Variants in EIF2AK1 observed in about 807,000 individuals in gnomAD.
EIF2AK1 encodes eukaryotic translation initiation factor 2 alpha kinase 1.
A neutral mutation model predicts 77.9 loss-of-function variants in EIF2AK1; 54 were observed. That is an observed-to-expected ratio of 0.69 (90% CI 0.56 to 0.87). The LOEUF is 0.87. Ranked by LOEUF, EIF2AK1 falls within the 40% of genes least tolerant of loss-of-function variation. The pLI, the probability that EIF2AK1 is intolerant of heterozygous loss-of-function variation, is 0.00. For synonymous variants in EIF2AK1, 314 were observed against 290.5 expected (o/e 1.08, Z -0.82); for missense variants, 810 against 768.6 (o/e 1.05, Z -0.64).
intron 14 of EIF2AK1, chr7:6,026,426 G>GC (rs34019419): frequency 0.65 from 368,656 of 567,254 alleles, 120,805 homozygotes; most frequent in East Asian, 0.85. Flanking sequence ...GCCCCAGGAA[G>GC]TTTCCTACCG....
At position 6,023,749 on chromosome 7, in the gene EIF2AK1, A is replaced by C. The variant is rs548198703; in HGVS notation, c.*924T>G. ...TTAAGAATGGTGCTCTTTCATGCCT[A>C]TTATCAGTAAGGGGACTTGTATTAG... On this transcript the variant is annotated 3_prime_UTR_variant, in exon 15 of 15. Coordinates refer to ENST00000199389, the MANE Select transcript of EIF2AK1 (RefSeq NM_014413.4). The C allele has an allele frequency of 1.9e-6, 3 of 1,612,622 alleles. No homozygotes were observed. Among genetic ancestry groups the C allele is most frequent in the Admixed American group, 1.7e-5 (1 of 59,826 alleles).
At chr7:6,047,663 ACT>A (rs1198595240) in intron 4 of EIF2AK1, 2 of 130,522 alleles carry the variant, frequency 1.5e-5, no homozygotes, top group African/African-American at 3.1e-5. Context: ...ACAGAGCAAG[ACT>A]CTGTCTCAAA....
At chr7:6,026,583 C>T (rs568369156) in intron 14 of EIF2AK1, 145 bp downstream of exon 14, 1,010 of 737,210 alleles carry the variant, frequency 1.4e-3, no homozygotes, top group Non-Finnish European at 1.8e-3. Flanking sequence ...AGGAAGTGGA[C>T]GAGAACAAAC....
intron 10 of EIF2AK1, among the ~76,000 whole-genome samples, chr7:6,038,105 G>T (rs1296909929): frequency 6.6e-6 from 1 of 152,042 alleles, no homozygotes; most frequent in Admixed American, 6.6e-5. Flanking sequence ...AGGATGGAGA[G>T]GTTTTACAGG....
rs765118281 is a variant in EIF2AK1 at position 6,049,994 on chromosome 7, C to T, written c.329G>A (p.Ser110Asn). The T allele has an allele frequency of 6.2e-7, 1 of 1,613,002 alleles. No homozygotes were observed. The highest frequency in any genetic ancestry group is 1.1e-5 in the South Asian group (1 of 90,852). ...TAGTCTCAATGAGCTAAACTCGTCA[C>T]TACAAGTGAAAGAAGACAGCAGCCC... ...KMGLLSSFTC[S>N]DEFSSLRLHH... is the part of the protein sequence containing the mutation. The change falls in exon 3 of 15, where the codon AGT (serine) becomes AAT (asparagine). Residue 110 changes from serine (S) to asparagine (N), a missense_variant. Physicochemically the swap from Ser to Asn is conservative, Grantham distance 46. Around this residue, in one of 3 missense-constraint regions of EIF2AK1, gnomAD observed 246 missense variants for 199.0 expected, o/e 1.24. Coordinates refer to ENST00000199389, the MANE Select transcript of EIF2AK1 (RefSeq NM_014413.4).
intron 4 of EIF2AK1, among the ~76,000 whole-genome samples, chr7:6,048,276 T>TTACGTCTCTATGGATTC (rs1238021227): frequency 1.3e-4 from 20 of 152,178 alleles, no homozygotes; most frequent in Non-Finnish European, 2.5e-4. Flanking sequence ...AAACCACTAT[T>TTACGTCTCTATGGATTC]TACGTCTCTA....
At chr7:6,028,251 T>C (rs1280114483) in intron 13 of EIF2AK1, among the ~76,000 whole-genome samples, 2 of 69,026 alleles carry the variant, frequency 2.9e-5, no homozygotes, top group Non-Finnish European at 5.4e-5. Context: ...CATTGTACTG[T>C]TTGTTTTTTT....
rs1220045815 is a variant in EIF2AK1 at position 6,027,961 on chromosome 7, G to A, written c.1530+654C>T. 1 of 454,102 alleles carries A rather than the reference G, an allele frequency of 2.2e-6. No homozygotes were observed. Among genetic ancestry groups the A allele is most frequent in the Non-Finnish European group, 4.4e-6 (1 of 226,072 alleles). The allele number at this position is 454,102 out of a possible 1,614,324, so 28.1% of individuals were successfully genotyped here. A position where few individuals can be genotyped will look rare whatever the true frequency, so the allele number is the denominator to read the frequency against. ...TCTTGAAGTCACAGTTACATGGGAG[G>A]CTGAGGTGGGAGGATCACTTGAGCC... is the stretch of plus-strand genomic sequence containing the variant. On this transcript the variant is annotated intron_variant, in intron 13 of 14. Coordinates refer to ENST00000199389, the MANE Select transcript of EIF2AK1 (RefSeq NM_014413.4). This position sits in a 1 kb window ranked among gnomAD's most constrained non-coding sequence, Gnocchi z 4.5.
At chr7:6,046,013 C>A in intron 6 of EIF2AK1, 58 bp downstream of exon 6, 1 of 1,200,244 alleles carries the variant, frequency 8.3e-7, no homozygotes, top group Non-Finnish European at 1.2e-6. Context: ...ATGTATAACT[C>A]TTTCAAAAAG....
Position 6,033,079 on chromosome 7 carries a change from C to T in EIF2AK1, c.1333-4047G>A. 1.6e-6 allele frequency: 1 copy of T among 612,482 alleles called. No homozygotes were observed. The highest frequency in any genetic ancestry group is 2.7e-6 in the Non-Finnish European group (1 of 363,930). The allele number at this position is 612,482 out of a possible 1,614,324, so 37.9% of individuals were successfully genotyped here. On this transcript the variant is annotated intron_variant, in intron 11 of 14. Coordinates refer to ENST00000199389, the MANE Select transcript of EIF2AK1 (RefSeq NM_014413.4). This position sits in a 1 kb window ranked among gnomAD's most constrained non-coding sequence, Gnocchi z 4.4. ...TACTTCCTGGGTTCAAGAGCTTCTC[C>T]CACCTCAGCCTCCCGAGTAGCTGGG...
At chr7:6,041,501 T>G (rs1448797168) in intron 8 of EIF2AK1, among the ~76,000 whole-genome samples, 1 of 150,602 alleles carries the variant, frequency 6.6e-6, no homozygotes, top group African/African-American at 2.4e-5. Context: ...ATCATGCCAC[T>G]GTACTCCAGC....
chr7:6,052,651 T>C (rs1309961078), intron 2 of EIF2AK1, among the ~76,000 whole-genome samples: 6 of 150,438 alleles, frequency 4.0e-5, no homozygotes, highest in Non-Finnish European at 7.4e-5. Context: ...TTTTTTTTTT[T>C]CTCTAGAGGC....
chr7:6,054,655 C>A lies in EIF2AK1; in HGVS notation c.168G>T (p.Gln56His). Reference protein sequence around the residue: ...EIQVLKEPLQQPTFPFAVANQ... With the variant: ...EIQVLKEPLQHPTFPFAVANQ... Reference sequence around the variant, plus strand: ...TTGCAACTGCAAAAGGGAAGGTTGGCTGTTGTAGGGGTTCTTTTAACACCT... The same window carrying A: ...TTGCAACTGCAAAAGGGAAGGTTGGATGTTGTAGGGGTTCTTTTAACACCT... The change falls in exon 2 of 15, where the codon CAG (glutamine) becomes CAT (histidine). Residue 56 changes from glutamine (Q) to histidine (H), a missense_variant. By Grantham distance (24) the Gln-to-His change is conservative (BLOSUM62 0). Coordinates refer to ENST00000199389, the MANE Select transcript of EIF2AK1 (RefSeq NM_014413.4). The A allele has an allele frequency of 6.2e-7, 1 of 1,614,100 alleles. No individual in the cohort carries two copies. Among genetic ancestry groups the A allele is most frequent in the Non-Finnish European group, 8.5e-7 (1 of 1,180,012 alleles).
In EIF2AK1 at chr7:6,035,308, C is replaced by A; in HGVS notation, c.1332+2116G>T. On this transcript the variant is annotated intron_variant, in intron 11 of 14. Coordinates refer to ENST00000199389, the MANE Select transcript of EIF2AK1 (RefSeq NM_014413.4). This position sits in a 1 kb window ranked among gnomAD's most constrained non-coding sequence, Gnocchi z 5.5. Reference sequence around the variant, plus strand: ...TAGCCTGAGAAACTACCCAGCGATACAGATTTTGAAACACGTCCTTAAGGT... The same window carrying A: ...TAGCCTGAGAAACTACCCAGCGATAAAGATTTTGAAACACGTCCTTAAGGT... The A allele has an allele frequency of 2.2e-6, 2 of 905,802 alleles. No individual in the cohort carries two copies. Among genetic ancestry groups the A allele is most frequent in the Non-Finnish European group, 3.3e-6 (2 of 613,886 alleles). The allele number at this position is 905,802 out of a possible 1,614,324, so 56.1% of individuals were successfully genotyped here.
At chr7:6,048,270 C>G (rs1191649880) in intron 4 of EIF2AK1, among the ~76,000 whole-genome samples, 1 of 152,080 alleles carries the variant, frequency 6.6e-6, no homozygotes, top group South Asian at 2.1e-4. Flanking sequence ...CCCTGAAAAC[C>G]ACTATTTACG....
chr7:6,025,155 C>CA (rs1241728269), intron 14 of EIF2AK1, among the ~76,000 whole-genome samples: 1 of 151,786 alleles, frequency 6.6e-6, no homozygotes, highest in Non-Finnish European at 1.5e-5. Context: ...TCATTTTATA[C>CA]AAAAAACTTT....
chr7:6,046,177 T>C (rs1461134593), intron 5 of EIF2AK1, 26 bp from the exon 6 acceptor site: 2 of 1,326,404 alleles, frequency 1.5e-6, no homozygotes, highest in Non-Finnish European at 2.1e-6. Flanking sequence ...AAAGACAAAG[T>C]ATATTGTGTC....
chr7:6,058,751 G>C (rs1362407713), intron 1 of EIF2AK1, among the ~76,000 whole-genome samples: 1 of 152,214 alleles, frequency 6.6e-6, no homozygotes, highest in Non-Finnish European at 1.5e-5. Flanking sequence ...GTAAACAAAG[G>C]AGGGAGAGGC....
intron 7 of EIF2AK1, among the ~76,000 whole-genome samples, chr7:6,043,907 T>C (rs1788368165): frequency 6.6e-6 from 1 of 150,976 alleles, no homozygotes. Context: ...AAGACTAGCT[T>C]GGGCAACATG....
Sources: gnomAD v4.1 joint callset for allele counts (sites outside exome capture counted in the v4.1 genomes callset) on GRCh38, gnomAD v4.1.1 for gene constraint, gnomAD v4.1.1 regional missense constraint, Gnocchi (gnomAD v3.1) non-coding constraint, MANE v1.5 for transcripts, NCBI Gene and HGNC (gene_info 2026-07-23, HGNC 2026-07-21) for gene names.